Variants in FAM151B observed in about 807,000 individuals in gnomAD.
FAM151B encodes family with sequence similarity 151 member B.
In FAM151B, 24 loss-of-function variants were observed where a neutral mutation model predicts 31.2. The observed-to-expected ratio is 0.77, with a 90% CI of 0.56 to 1.08. The LOEUF (loss-of-function observed/expected upper bound fraction) is 1.08. Among genes scored for constraint, FAM151B ranks in the 50% least tolerant of loss-of-function variants. FAM151B has a pLI of 0.00. For synonymous variants in FAM151B, 105 were observed against 111.4 expected (o/e 0.94, Z 0.36); for missense variants, 293 against 328.6 (o/e 0.89, Z 0.84).
intron 3 of FAM151B, 34 bp downstream of exon 3, chr5:80,513,803 A>G: frequency 6.4e-7 from 1 of 1,573,080 alleles, no homozygotes; most frequent in Non-Finnish European, 8.6e-7. Flanking sequence ...TTTCTGGGAA[A>G]AAAGTAATAG....
chr5:80,511,081 A>C (rs973436441), intron 2 of FAM151B: 7 of 152,208 alleles, frequency 4.6e-5, no homozygotes, highest in Non-Finnish European at 7.3e-5. Context: ...GGGAATACTC[A>C]TGCAGGTGCA....
chr5:80,505,544 G>A (rs919591183), intron 2 of FAM151B, among the ~76,000 whole-genome samples: 29 of 150,942 alleles, frequency 1.9e-4, no homozygotes, highest in Middle Eastern at 3.4e-3. Flanking sequence ...GCAGGCACCC[G>A]CCATCACGCC....
At chr5:80,518,075 GAA>G (rs796173147) in intron 3 of FAM151B, among the ~76,000 whole-genome samples, 54 of 72,812 alleles carry the variant, frequency 7.4e-4, no homozygotes, top group East Asian at 7.3e-3. Flanking sequence ...CCATCTCAAA[GAA>G]AAAAAAAAAA....
At chr5:80,492,956 A>G (rs1332304781) in intron 1 of FAM151B, among the ~76,000 whole-genome samples, 1 of 152,224 alleles carries the variant, frequency 6.6e-6, no homozygotes, top group East Asian at 1.9e-4. Flanking sequence ...TTGTCTCTAA[A>G]AAAAACAAAA....
intron 1 of FAM151B, chr5:80,499,983 A>T (rs1399993085): frequency 6.3e-6 from 1 of 159,972 alleles, no homozygotes; most frequent in Admixed American, 6.2e-5. Flanking sequence ...TACAGTGGCC[A>T]AGGTATGGAA....
chr5:80,518,486 C>T (rs1453178248), intron 3 of FAM151B, among the ~76,000 whole-genome samples: 3 of 152,122 alleles, frequency 2.0e-5, no homozygotes, highest in African/African-American at 4.8e-5. Context: ...GGTGTTGACA[C>T]AGGGCAAGGC....
chr5:80,530,192 A>G (rs563648249), intron 5 of FAM151B, among the ~76,000 whole-genome samples: 4 of 152,358 alleles, frequency 2.6e-5, no homozygotes, highest in South Asian at 2.1e-4. Context: ...ACAGCCCTTC[A>G]TGCTAAAAAC....
intron 2 of FAM151B, among the ~76,000 whole-genome samples, chr5:80,511,606 T>A (rs957603813): frequency 4.6e-5 from 7 of 151,942 alleles, no homozygotes; most frequent in Non-Finnish European, 2.9e-5. Flanking sequence ...TATTTATCTT[T>A]AAAAAAAATT....
rs147067966 is a variant in FAM151B, at chr5:80,516,139, A to G, written c.317+2370A>G. 5.1e-3 allele frequency among the ~76,000 whole-genome samples: 772 copies of G among 152,284 alleles called. 8 individuals are homozygous for G. Among genetic ancestry groups the G allele is most frequent in the African/African-American group, 0.018 (749 of 41,566 alleles). On this transcript the variant is annotated intron_variant, in intron 3 of 5. Transcript: ENST00000282226. ...CAGGAGTTCTAGACCAGCCTGACCA[A>G]CATGGAGAAACCCCGTTTCTACTAA...
chr5:80,521,174 G>GATC (rs1744697322), intron 4 of FAM151B, among the ~76,000 whole-genome samples: 1 of 133,928 alleles, frequency 7.5e-6, no homozygotes, highest in Non-Finnish European at 1.5e-5. Flanking sequence ...CACCCAGGCT[G>GATC]AGTGCAGTAG....
At chr5:80,517,506 T>A (rs1396799628) in intron 3 of FAM151B, among the ~76,000 whole-genome samples, 1 of 152,190 alleles carries the variant, frequency 6.6e-6, no homozygotes, top group African/African-American at 2.4e-5. Flanking sequence ...AAATAAGAAC[T>A]ACAACAACAA....
At chr5:80,500,605 C>A (rs1743706014) in intron 1 of FAM151B, 2 of 758,718 alleles carry the variant, frequency 2.6e-6, no homozygotes, top group Non-Finnish European at 4.8e-6. Flanking sequence ...TGGCATTTGT[C>A]CTCAGGATCA....
intron 5 of FAM151B, among the ~76,000 whole-genome samples, chr5:80,532,036 A>G (rs1348982248): frequency 6.6e-6 from 1 of 152,030 alleles, no homozygotes; most frequent in East Asian, 1.9e-4. Context: ...GCACATATAC[A>G]CCATGGAATA....
chr5:80,509,693 A>G (rs566887097), intron 2 of FAM151B, among the ~76,000 whole-genome samples: 2 of 152,322 alleles, frequency 1.3e-5, no homozygotes, highest in Admixed American at 1.3e-4. Flanking sequence ...ATTTGGAAAT[A>G]TTTTCTCTAT....
At chr5:80,504,676 T>A (rs533718791) in intron 2 of FAM151B, among the ~76,000 whole-genome samples, 2 of 151,784 alleles carry the variant, frequency 1.3e-5, no homozygotes, top group African/African-American at 4.8e-5. Context: ...TGTGCCACCA[T>A]GCCCAGCTAA....
intron 1 of FAM151B, chr5:80,498,400 T>C (rs560316161): frequency 8.3e-6 from 3 of 360,666 alleles, no homozygotes; most frequent in South Asian, 5.6e-5. Flanking sequence ...AATTTGTCTT[T>C]ATATGCCCCT....
chr5:80,496,754 G>A (rs960172934), intron 1 of FAM151B, among the ~76,000 whole-genome samples: 1 of 150,172 alleles, frequency 6.7e-6, no homozygotes, highest in African/African-American at 2.4e-5. Flanking sequence ...CAGGGAAATC[G>A]AGGGAAGAGT....
intron 5 of FAM151B, among the ~76,000 whole-genome samples, chr5:80,533,674 T>A (rs1256389605): frequency 7.5e-6 from 1 of 133,768 alleles, no homozygotes; most frequent in South Asian, 2.4e-4. Context: ...CAGTTGAACC[T>A]GGGCAGCAGA....
At chr5:80,511,435 CAAAAAAAAAA>C (rs57587683) in intron 2 of FAM151B, among the ~76,000 whole-genome samples, 2 of 54,084 alleles carry the variant, frequency 3.7e-5, no homozygotes, top group Admixed American at 2.5e-4. Flanking sequence ...GACTCTGTCT[CAAAAAAAAAA>C]AAAAAAAAAA....
Sources: allele counts gnomAD v4.1 joint callset (sites outside exome capture counted in the v4.1 genomes callset), GRCh38; gene constraint gnomAD v4.1.1; transcripts MANE v1.5; gene names NCBI Gene and HGNC (gene_info 2026-07-23, HGNC 2026-07-21).